Variants in IFT52 observed in about 807,000 individuals in gnomAD.
IFT52 encodes the protein intraflagellar transport 52, also known as intraflagellar transport protein 52 homolog.
A neutral mutation model predicts 54.4 loss-of-function variants in IFT52; 44 were observed. The observed-to-expected ratio is 0.81, with a 90% CI of 0.63 to 1.04. IFT52 has a LOEUF of 1.04. Among genes scored for constraint, IFT52 ranks in the 50% least tolerant of loss-of-function variants. The pLI is 0.00. For missense variants in IFT52, 452 were observed against 523.6 expected, an observed-to-expected ratio of 0.86 and a Z score of 1.33; for synonymous variants, 181 against 185.3, an observed-to-expected ratio of 0.98 and a Z score of 0.19.
intron 6 of IFT52, among the ~76,000 whole-genome samples, chr20:43,612,489 T>TC (rs565658387): frequency 2.9e-4 from 44 of 152,102 alleles, no homozygotes; most frequent in African/African-American, 1.1e-3. Context: ...GCTCAGGAGT[T>TC]CAAGACCAGC....
At chr20:43,646,115 G>A (rs1986182111) in intron 13 of IFT52, among the ~76,000 whole-genome samples, 2 of 151,698 alleles carry the variant, frequency 1.3e-5, no homozygotes, top group South Asian at 4.2e-4. Context: ...GGAGGCTGGG[G>A]CAGGAGAATG....
At position 43,620,882 on chromosome 20, in the gene IFT52, C is replaced by T. The variant is rs746190968; in HGVS notation, c.725C>T (p.Thr242Ile). 3 of 1,611,750 alleles carry T rather than the reference C, an allele frequency of 1.9e-6. No homozygotes were observed. The highest frequency in any genetic ancestry group is 2.5e-6 in the Non-Finnish European group (3 of 1,179,018). ...GATGTTGTTTTCCAGTGGCTCACGA[C>T]AGGAGACATCCACCTAAACCAGATT... is the stretch of plus-strand genomic sequence containing the variant. ...IMDVVFQWLT[T>I]GDIHLNQIDA... The change falls in exon 9 of 14, where the codon ACA becomes ATA. Residue 242 changes from threonine to isoleucine, a missense_variant. Thr to Ile is a moderately conservative substitution (Grantham distance 89). Transcript: ENST00000373030.
intron 13 of IFT52, among the ~76,000 whole-genome samples, chr20:43,646,224 A>C (rs1292082048): frequency 3.3e-5 from 5 of 151,936 alleles, no homozygotes; most frequent in African/African-American, 4.8e-5. Context: ...AAAAAAAAAA[A>C]ATTCTATAGT....
At chr20:43,599,487 C>A (rs1436096875) in intron 3 of IFT52, among the ~76,000 whole-genome samples, 9 of 152,138 alleles carry the variant, frequency 5.9e-5, no homozygotes, top group Admixed American at 5.9e-4. Context: ...GTCCCTGACA[C>A]CATACCTTCT....
chr20:43,644,231 A>C lies in IFT52; in HGVS notation c.1266+1607A>C. 3.4e-5 allele frequency among the ~76,000 whole-genome samples: 2 copies of C among 58,814 alleles called. 1 individual carries two copies. The allele number at this position is 58,814 out of a possible 152,430, so 38.6% of individuals were successfully genotyped here. A position where few individuals can be genotyped will look rare whatever the true frequency, so the allele number is the denominator to read the frequency against. ...GCCCAACCAGCTTTGGTAAATAGGC[A>C]TTCATACACTACTGATGGAGAATAA... is the stretch of plus-strand genomic sequence containing the variant. On this transcript the variant is annotated intron_variant, in intron 13 of 13. Transcript: ENST00000373030.
chr20:43,621,154 T>G (rs1418286681), intron 9 of IFT52: 1 of 350,570 alleles, frequency 2.9e-6, no homozygotes, highest in Non-Finnish European at 5.2e-6. Context: ...ATACATACAG[T>G]ATGTATATAA....
intron 12 of IFT52, among the ~76,000 whole-genome samples, chr20:43,641,330 C>T (rs193060946): frequency 7.2e-5 from 11 of 152,152 alleles, no homozygotes; most frequent in African/African-American, 1.7e-4. Context: ...CTCTGCCTCC[C>T]GGGTTCAAGC....
intron 6 of IFT52, among the ~76,000 whole-genome samples, chr20:43,611,110 C>T (rs1048450307): frequency 1.3e-5 from 2 of 152,144 alleles, no homozygotes; most frequent in African/African-American, 4.8e-5. Context: ...CAGGAAACAG[C>T]TTCCTGGTAG....
At chr20:43,603,485 T>C (rs1213027176) in intron 3 of IFT52, among the ~76,000 whole-genome samples, 1 of 152,190 alleles carries the variant, frequency 6.6e-6, no homozygotes, top group Non-Finnish European at 1.5e-5. Context: ...AATGGAGAAC[T>C]GAGTGCTTCC....
Position 43,623,898 on chromosome 20 carries a change from ACT to A in IFT52, c.777_778del (p.Asp259GlufsTer22). 1 of 1,613,774 alleles carries A rather than the reference ACT, an allele frequency of 6.2e-7. No homozygotes were observed. The highest frequency in any genetic ancestry group is 1.7e-5 in the Admixed American group (1 of 59,938). ...CCCTCTTGTGGCTTTCAGATTTCTG[ACT>A]ACATGATGCTGCCCTACACAGCCAC... On this transcript the variant is annotated frameshift_variant, in exon 10 of 14. Coordinates refer to ENST00000373030, the MANE Select transcript of IFT52 (RefSeq NM_016004.5). LOFTEE classifies it high-confidence loss of function.
chr20:43,614,664 AT>A (rs765675640), intron 7 of IFT52, among the ~76,000 whole-genome samples: 3 of 152,154 alleles, frequency 2.0e-5, no homozygotes, highest in Non-Finnish European at 2.9e-5. Flanking sequence ...ATTACACAAA[AT>A]AGCACAGAAT....
At chr20:43,641,855 G>T (rs954473194) in intron 12 of IFT52, among the ~76,000 whole-genome samples, 1 of 150,934 alleles carries the variant, frequency 6.6e-6, no homozygotes. Flanking sequence ...GTGCAGTGGC[G>T]CAATCTCTGT....
rs768253879 is a variant in IFT52, at chr20:43,646,950, T to C, written c.1281T>C (p.Asp427=). ...FKKLNQEHDI[D]TSETAFQNNF ...CTCTCATCCAGGAACATGACATCGA[T>C]ACAAGTGAAACAGCATTCCAGAACA... The change falls in exon 14 of 14, where the codon GAT becomes GAC. Residue 427 remains aspartate (D), a synonymous_variant. Transcript: ENST00000373030. The C allele has an allele frequency of 2.5e-6, 4 of 1,613,774 alleles. No homozygotes were observed. The highest frequency in any genetic ancestry group is 3.4e-6 in the Non-Finnish European group (4 of 1,179,810).
At chr20:43,622,647 TTA>T (rs1322995755) in intron 9 of IFT52, among the ~76,000 whole-genome samples, 10 of 147,294 alleles carry the variant, frequency 6.8e-5, no homozygotes, top group African/African-American at 1.7e-4. Flanking sequence ...ATATTTATAT[TTA>T]TATATATTTT....
intron 10 of IFT52, among the ~76,000 whole-genome samples, chr20:43,632,734 A>C (rs980350331): frequency 6.6e-6 from 1 of 152,240 alleles, no homozygotes; most frequent in Non-Finnish European, 1.5e-5. Flanking sequence ...GTGAGCACGC[A>C]GAAGTGCATA....
intron 6 of IFT52, among the ~76,000 whole-genome samples, chr20:43,612,858 G>C (rs1983565616): frequency 6.6e-6 from 1 of 152,096 alleles, no homozygotes; most frequent in Non-Finnish European, 1.5e-5. Flanking sequence ...CTTACGCCCT[G>C]GTGTTGAGAT....
At chr20:43,646,694 T>C (rs1186140595) in intron 13 of IFT52, among the ~76,000 whole-genome samples, 1 of 152,130 alleles carries the variant, frequency 6.6e-6, no homozygotes, top group African/African-American at 2.4e-5. Context: ...TTTGCACCAG[T>C]GCTTTCAACT....
intron 1 of IFT52, among the ~76,000 whole-genome samples, 192 bp downstream of exon 1, chr20:43,591,246 C>T (rs1385313541): frequency 6.6e-6 from 1 of 152,250 alleles, no homozygotes; most frequent in East Asian, 1.9e-4. Context: ...TCTCCACGGC[C>T]TCGGGTGGTG....
chr20:43,606,580 C>G (rs1478361116), intron 6 of IFT52, among the ~76,000 whole-genome samples: 2 of 151,634 alleles, frequency 1.3e-5, no homozygotes, highest in African/African-American at 2.4e-5. Context: ...GTTTTGTGCA[C>G]TTGTGGTAGT....
Sources: allele counts gnomAD v4.1 joint callset (sites outside exome capture counted in the v4.1 genomes callset), GRCh38; gene constraint gnomAD v4.1.1; transcripts MANE v1.5; gene names NCBI Gene and HGNC (gene_info 2026-07-23, HGNC 2026-07-21).